The following GOSR2 variants were observed in gnomAD, a reference collection of about 807,000 sequenced individuals.
GOSR2 encodes golgi SNAP receptor complex member 2.
A neutral mutation model predicts 27.9 loss-of-function variants in GOSR2; 20 were observed. That is an observed-to-expected ratio of 0.72 (90% confidence interval 0.50 to 1.04). The LOEUF (loss-of-function observed/expected upper bound fraction) is 1.04, where lower values mean the gene tolerates loss of function less well. Ranked by LOEUF, GOSR2 falls within the 50% of genes least tolerant of loss-of-function variation. The probability of loss-of-function intolerance (pLI) is 0.00; values close to 1 mark genes in which losing one functional copy is unlikely to be tolerated. For missense variants in GOSR2, 261 were observed against 270.5 expected, an observed-to-expected ratio of 0.97 and a Z score of 0.25; for synonymous variants, 91 against 98.8, an observed-to-expected ratio of 0.92 and a Z score of 0.47.
Position 46,929,568 on chromosome 17 carries a change from CA to C in GOSR2, c.80del (p.Lys27SerfsTer6). 1 of 1,536,218 alleles carries C rather than the reference CA, an allele frequency of 6.5e-7. No individual in the cohort carries two copies. Among genetic ancestry groups the C allele is most frequent in the Non-Finnish European group, 9.0e-7 (1 of 1,108,868 alleles). The stretch of plus-strand genomic sequence containing the variant: ...GCATGGGACGCCTGGAGACGGCAGA[CA>C]AGCAGTCTGTGCACAGTGAGTAATT... ...SCMGRLETAD[K>X]QSVHIVENEI... On this transcript the variant is annotated frameshift_variant, in exon 2 of 6. Transcript: ENST00000640051. LOFTEE classifies it high-confidence loss of function.
intron 6 of GOSR2, among the ~76,000 whole-genome samples, chr17:46,951,738 A>G (rs941833459): frequency 6.6e-5 from 10 of 151,980 alleles, no homozygotes; most frequent in East Asian, 1.9e-4. Context: ...GGAAAAGGAA[A>G]CCTCTAATTT....
At chr17:46,958,411 G>A (rs1271473435) in intron 6 of GOSR2, among the ~76,000 whole-genome samples, 1 of 152,240 alleles carries the variant, frequency 6.6e-6, no homozygotes, top group Non-Finnish European at 1.5e-5. Flanking sequence ...TGGGAAACGT[G>A]TGTGGGGGCT....
At chr17:46,962,204 C>T (rs2091098035) in intron 6 of GOSR2, among the ~76,000 whole-genome samples, 1 of 151,966 alleles carries the variant, frequency 6.6e-6, no homozygotes, top group Non-Finnish European at 1.5e-5. Context: ...TGGCATGCGC[C>T]TGTAATCCTA....
intron 6 of GOSR2, among the ~76,000 whole-genome samples, chr17:46,960,970 T>A (rs2091015718): frequency 6.6e-6 from 1 of 151,970 alleles, no homozygotes; most frequent in Admixed American, 6.6e-5. Context: ...AAAAAGTAAA[T>A]TTTACCCTAA....
chr17:46,956,793 C>T (rs903841591), intron 6 of GOSR2, among the ~76,000 whole-genome samples: 2 of 152,194 alleles, frequency 1.3e-5, no homozygotes, highest in African/African-American at 4.8e-5. Context: ...CATCTGCTCT[C>T]GTCAGCATGC....
rs2089994644 is a variant in GOSR2, at chr17:46,947,398, GGAGGCAGGGCA to G, written c.583+8700_583+8710del. ...GATCTGGTGAAACCACCAACCAGGC[GGAGGCAGGGCA>G]GAGGCTGTCACTGCCACACACCTTC... On this transcript the variant is annotated intron_variant, in intron 6 of 6. Coordinates refer to the GOSR2 transcript ENST00000573224. Among the ~76,000 whole-genome samples the G allele has an allele frequency of 3.9e-5, 6 of 152,296 alleles. No homozygotes were observed. In the South Asian group the frequency reaches 1.2e-3, roughly 32 times the overall value.
At chr17:46,964,285 C>T (rs1568215845) in intron 6 of GOSR2, 2 of 152,280 alleles carry the variant, frequency 1.3e-5, no homozygotes, top group Non-Finnish European at 2.9e-5. Context: ...GGCTAGGACA[C>T]ATTGGACTCC....
intron 1 of GOSR2, among the ~76,000 whole-genome samples, chr17:46,926,840 T>C (rs956177547): frequency 6.6e-6 from 1 of 152,236 alleles, no homozygotes; most frequent in African/African-American, 2.4e-5. Flanking sequence ...CAGTGGATTA[T>C]GGGCCTGTAC....
intron 6 of GOSR2, among the ~76,000 whole-genome samples, chr17:46,965,225 C>G (rs1323181733): frequency 6.6e-6 from 1 of 152,234 alleles, no homozygotes; most frequent in Non-Finnish European, 1.5e-5. Flanking sequence ...CTTCTCACTG[C>G]AATTGCAAAC....
downstream of GOSR2, among the ~76,000 whole-genome samples, chr17:46,945,223 G>A (rs532818032): frequency 2.2e-4 from 34 of 152,316 alleles, no homozygotes; most frequent in African/African-American, 8.2e-4. Context: ...GAGGCCTGAT[G>A]TGCTGTCTTC....
intron 5 of GOSR2, chr17:46,936,763 T>C: frequency 1.0e-6 from 1 of 982,978 alleles, no homozygotes; most frequent in East Asian, 1.1e-4. Flanking sequence ...AGTCTGATTG[T>C]ATTGTCACTA....
Position 46,940,877 on chromosome 17 carries a change from C to T in GOSR2, c.*2117C>T. 7.1e-7 allele frequency: 1 copy of T among 1,409,880 alleles called. No homozygotes were observed. The highest frequency in any genetic ancestry group is 9.2e-7 in the Non-Finnish European group (1 of 1,082,756). The allele number at this position is 1,409,880 out of a possible 1,614,324, so 87.3% of individuals were successfully genotyped here. Reference sequence around the variant, plus strand: ...CAGGGGCATTGAGACTGCATGTTGTCACATGACCACTTCTCTTCACACATC... The same window carrying T: ...CAGGGGCATTGAGACTGCATGTTGTTACATGACCACTTCTCTTCACACATC... On this transcript the variant is annotated 3_prime_UTR_variant, in exon 6 of 6. Coordinates refer to ENST00000640051, the MANE Select transcript of GOSR2 (RefSeq NM_004287.5).
In GOSR2 at chr17:46,947,451, T is replaced by TA. The variant is rs2089998404; in HGVS notation, c.583+8748dup. On this transcript the variant is annotated intron_variant, in intron 6 of 6. Coordinates refer to the GOSR2 transcript ENST00000573224. ...CACACCTTCAGAGCTCCCTACAACTTACGTTCATGCTGCTGAGATACTGAT... is the reference window on the plus strand; with the variant it reads ...CACACCTTCAGAGCTCCCTACAACTTAACGTTCATGCTGCTGAGATACTGAT... Among the ~76,000 whole-genome samples the TA allele has an allele frequency of 2.6e-5, 4 of 152,146 alleles. No homozygotes were observed. In the South Asian group the frequency reaches 6.2e-4, roughly 24 times the overall value.
At chr17:46,936,546 T>G (rs1485748367) in intron 5 of GOSR2, 19 of 985,508 alleles carry the variant, frequency 1.9e-5, no homozygotes, top group Non-Finnish European at 2.2e-5. Context: ...GTCGGGATTT[T>G]CCACCTACAC....
chr17:46,948,574 T>C (rs530973015), intron 6 of GOSR2: 1 of 152,398 alleles, frequency 6.6e-6, no homozygotes, highest in African/African-American at 2.4e-5. Context: ...AGCCTCAGTG[T>C]CCTCGTAGGG....
chr17:46,926,246 C>G (rs1419808985), intron 1 of GOSR2, among the ~76,000 whole-genome samples: 1 of 152,084 alleles, frequency 6.6e-6, no homozygotes, highest in Middle Eastern at 3.2e-3. Flanking sequence ...TGAAAATGAC[C>G]AGATTGTTGC....
At chr17:46,944,408 C>T (rs193044154), downstream of GOSR2, among the ~76,000 whole-genome samples, 20 of 152,276 alleles carry the variant, frequency 1.3e-4, no homozygotes, top group Middle Eastern at 3.4e-3. Flanking sequence ...ACCTGTCCCA[C>T]GTCCCTTTCT....
downstream of GOSR2, among the ~76,000 whole-genome samples, chr17:46,944,307 G>A (rs1476300874): frequency 6.6e-6 from 1 of 152,248 alleles, no homozygotes; most frequent in Non-Finnish European, 1.5e-5. Context: ...CTGAGCCCAG[G>A]ATGCAGAGCC....
chr17:46,962,015 TG>T (rs1199231796), intron 6 of GOSR2, among the ~76,000 whole-genome samples: 4 of 151,356 alleles, frequency 2.6e-5, no homozygotes, highest in African/African-American at 9.7e-5. Flanking sequence ...GATAAGGGAG[TG>T]GGGCATAGTT....
Sources: gnomAD v4.1 joint callset for allele counts (sites outside exome capture counted in the v4.1 genomes callset) on GRCh38, gnomAD v4.1.1 for gene constraint, MANE v1.5 for transcripts, NCBI Gene and HGNC (gene_info 2026-07-23, HGNC 2026-07-21) for gene names.